The following PTBP2 variants were observed in gnomAD, a reference collection of about 807,000 sequenced individuals.
The protein encoded by PTBP2 is polypyrimidine tract-binding protein 2.
In PTBP2, 13 loss-of-function variants were observed where a neutral mutation model predicts 61.4. The ratio of observed to expected loss-of-function variants is 0.21; its 90% CI spans 0.14 to 0.34. The LOEUF is 0.34. Among genes scored for constraint, PTBP2 ranks in the 10% least tolerant of loss-of-function variants. PTBP2 has a pLI of 1.00. For synonymous variants in PTBP2, 215 were observed against 218.5 expected (o/e 0.98, Z 0.14); for missense variants, 405 against 642.6 (o/e 0.63, Z 4.00).
intron 8 of PTBP2, among the ~76,000 whole-genome samples, chr1:96,799,294 C>CTTTTTTTTTGTTTTTTTTTTT (rs1660726236): frequency 1.1e-5 from 1 of 92,198 alleles, no homozygotes; most frequent in Non-Finnish European, 2.0e-5. Context: ...ATAGATCAAG[C>CTTTTTTTTTGTTTTTTTTTTT]TTTTTTTTTT....
rs558536341 is a variant in PTBP2 at position 96,725,208 on chromosome 1, A to G, written c.39+1614A>G. On this transcript the variant is annotated intron_variant, in intron 2 of 13. Transcript: ENST00000674951. ...TTGTCGACTGTTAGTGGAAAAGGAG[A>G]GGAGTTTGTAGACAAGGCTCAGAAT... 7.9e-5 allele frequency among the ~76,000 whole-genome samples: 12 copies of G among 152,176 alleles called. No homozygotes were observed. The South Asian group carries it at 2.5e-3, about 32-fold the overall frequency.
At chr1:96,752,314 T>C (rs1360112999) in intron 3 of PTBP2, among the ~76,000 whole-genome samples, 1 of 152,254 alleles carries the variant, frequency 6.6e-6, no homozygotes, top group East Asian at 1.9e-4. Flanking sequence ...TATTTTAACT[T>C]TGAATTATTT....
chr1:96,812,979 A>G (rs747685539), intron 12 of PTBP2, 50 bp from the exon 13 acceptor site: 8 of 1,592,914 alleles, frequency 5.0e-6, no homozygotes, highest in East Asian at 4.5e-5. Flanking sequence ...TTGATAAAAT[A>G]TGAAATTTAT....
At chr1:96,786,996 C>A (rs182256319) in intron 8 of PTBP2, among the ~76,000 whole-genome samples, 2 of 152,106 alleles carry the variant, frequency 1.3e-5, no homozygotes, top group Non-Finnish European at 2.9e-5. Flanking sequence ...TATGACCTTG[C>A]TGAAACTTTT....
intron 2 of PTBP2, among the ~76,000 whole-genome samples, chr1:96,731,581 T>A (rs1310779294): frequency 6.6e-6 from 1 of 152,182 alleles, no homozygotes; most frequent in East Asian, 1.9e-4. Context: ...ATTAGGATTT[T>A]AATAGTTCCA....
At chr1:96,735,981 C>T (rs1168681424) in intron 2 of PTBP2, among the ~76,000 whole-genome samples, 1 of 151,974 alleles carries the variant, frequency 6.6e-6, no homozygotes, top group Admixed American at 6.6e-5. Flanking sequence ...AATCAGATTC[C>T]CTAAAGAATA....
chr1:96,793,455 C>T (rs1160369773), intron 8 of PTBP2, among the ~76,000 whole-genome samples: 3 of 151,978 alleles, frequency 2.0e-5, no homozygotes, highest in Non-Finnish European at 2.9e-5. Context: ...CTGCAAGCTC[C>T]GCCTCCTGGG....
At chr1:96,808,382 T>C (rs1042192122) in intron 11 of PTBP2, among the ~76,000 whole-genome samples, 2 of 152,112 alleles carry the variant, frequency 1.3e-5, no homozygotes, top group African/African-American at 4.8e-5. Context: ...CAGCCAACCA[T>C]CTTCCCCCTG....
At chr1:96,790,300 C>A (rs553761501) in intron 8 of PTBP2, among the ~76,000 whole-genome samples, 1 of 150,274 alleles carries the variant, frequency 6.7e-6, no homozygotes, top group East Asian at 2.0e-4. Flanking sequence ...TCTTGTGCTT[C>A]CTATTGTGTC....
chr1:96,774,480 C>T (rs773244789), intron 5 of PTBP2, among the ~76,000 whole-genome samples: 3 of 152,158 alleles, frequency 2.0e-5, no homozygotes, highest in Non-Finnish European at 2.9e-5. Flanking sequence ...TATTCATTCA[C>T]TTCTAGGCAT....
downstream of PTBP2, chr1:96,815,557 T>C (rs2101294253): frequency 6.6e-6 from 1 of 152,308 alleles, no homozygotes; most frequent in East Asian, 1.9e-4. Context: ...ACAGATATAT[T>C]GGTATCAAAT....
rs541224262 is a variant in PTBP2 at position 96,792,661 on chromosome 1, T to C, written c.904+7407T>C. Among the ~76,000 whole-genome samples the C allele has an allele frequency of 3.3e-5, 5 of 152,302 alleles. No homozygotes were observed. In the South Asian group the frequency reaches 1.0e-3, roughly 32 times the overall value. On this transcript the variant is annotated intron_variant, in intron 8 of 13. Transcript: ENST00000674951. ...TTAAGTATTTAGCCTGATTATCTTA[T>C]TGATTAAAATACCAAAAATGTGTAT...
At chr1:96,730,956 C>T (rs1651313455) in intron 2 of PTBP2, among the ~76,000 whole-genome samples, 1 of 151,944 alleles carries the variant, frequency 6.6e-6, no homozygotes, top group African/African-American at 2.4e-5. Context: ...GTTGTTTCGG[C>T]GAGGCAAATC....
At position 96,807,679 on chromosome 1, in the gene PTBP2, G is replaced by A. The variant is rs1473280343; in HGVS notation, c.1171+721G>A. Among the ~76,000 whole-genome samples, 6 of 152,252 alleles carry A rather than the reference G, an allele frequency of 3.9e-5. No individual in the cohort carries two copies. The South Asian group carries it at 6.2e-4, about 16-fold the overall frequency. ...AATTTGCCATTTTTGATGTAAGGAC[G>A]AGTGTATTTTTGCTCAGAGATGAAC... On this transcript the variant is annotated intron_variant, in intron 11 of 13. Coordinates refer to ENST00000674951, the MANE Select transcript of PTBP2 (RefSeq NM_021190.4).
intron 8 of PTBP2, among the ~76,000 whole-genome samples, chr1:96,796,446 A>G (rs533641272): frequency 2.0e-5 from 3 of 152,306 alleles, no homozygotes; most frequent in African/African-American, 7.2e-5. Flanking sequence ...AAGTTGGTTG[A>G]AAGATTTGAT....
chr1:96,738,956 T>C (rs1652605860), intron 2 of PTBP2, among the ~76,000 whole-genome samples: 1 of 152,192 alleles, frequency 6.6e-6, no homozygotes, highest in Non-Finnish European at 1.5e-5. Context: ...AACTGTTCAG[T>C]GATAAGACAA....
At chr1:96,746,360 A>G (rs1653765146) in intron 2 of PTBP2, among the ~76,000 whole-genome samples, 1 of 152,016 alleles carries the variant, frequency 6.6e-6, no homozygotes, top group Admixed American at 6.6e-5. Context: ...ATTTTTAACA[A>G]TTTGGTGTGT....
chr1:96,808,810 AACAC>A (rs71748547), intron 11 of PTBP2, among the ~76,000 whole-genome samples: 16,722 of 150,316 alleles, frequency 0.11, 1,234 homozygotes, highest in Non-Finnish European at 0.17. Flanking sequence ...CACACACACA[AACAC>A]ACACACACAC....
intron 8 of PTBP2, among the ~76,000 whole-genome samples, chr1:96,797,739 T>C (rs922460634): frequency 1.9e-4 from 29 of 152,228 alleles, no homozygotes; most frequent in African/African-American, 6.5e-4. Flanking sequence ...AGATTACTTA[T>C]ATTACCCAGT....
Sources: gnomAD v4.1 joint callset for allele counts (sites outside exome capture counted in the v4.1 genomes callset) on GRCh38, gnomAD v4.1.1 for gene constraint, MANE v1.5 for transcripts, NCBI Gene and HGNC (gene_info 2026-07-23, HGNC 2026-07-21) for gene names.